The following NDST4 variants were observed in gnomAD, a reference collection of about 807,000 sequenced individuals.
NDST4 encodes the protein N-deacetylase and N-sulfotransferase 4.
A neutral mutation model predicts 100.8 loss-of-function variants in NDST4; 63 were observed. The ratio of observed to expected loss-of-function variants is 0.62; its 90% CI spans 0.51 to 0.77. The LOEUF (loss-of-function observed/expected upper bound fraction) is 0.77. NDST4 is among the 30% of genes least tolerant of loss of function. The probability of loss-of-function intolerance (pLI) is 0.00; values close to 1 mark genes in which losing one functional copy is unlikely to be tolerated. For missense variants in NDST4, 943 were observed against 1,018.4 expected, an observed-to-expected ratio of 0.93 and a Z score of 1.01; for synonymous variants, 377 against 361.8, an observed-to-expected ratio of 1.04 and a Z score of -0.48.
intron 7 of NDST4, among the ~76,000 whole-genome samples, chr4:114,857,590 A>G (rs1387502556): frequency 6.6e-6 from 1 of 152,232 alleles, no homozygotes; most frequent in Non-Finnish European, 1.5e-5. Context: ...CCCATATGTT[A>G]GTAGAAGACT....
chr4:114,965,864 T>G (rs1221567264), intron 4 of NDST4, among the ~76,000 whole-genome samples: 1 of 152,010 alleles, frequency 6.6e-6, no homozygotes, highest in Non-Finnish European at 1.5e-5. Context: ...TAGGTTAAAT[T>G]GGGAATAAGT....
chr4:115,069,038 G>A lies in NDST4; in HGVS notation c.978+7021C>T, dbSNP rs193005820. Among the ~76,000 whole-genome samples, 48 of 152,146 alleles carry A rather than the reference G, an allele frequency of 3.2e-4. No individual in the cohort carries two copies. The East Asian group carries it at 8.7e-3, about 28-fold the overall frequency. On this transcript the variant is annotated intron_variant, in intron 2 of 13. Coordinates refer to ENST00000264363, the MANE Select transcript of NDST4 (RefSeq NM_022569.3). Reference sequence around the variant, plus strand: ...TTATATACATAAAGATGCTAACTGAGAATTAAGGTCAGTGATTATGCAGGG... The same window carrying A: ...TTATATACATAAAGATGCTAACTGAAAATTAAGGTCAGTGATTATGCAGGG...
intron 10 of NDST4, 130 bp downstream of exon 10, chr4:114,845,693 G>C (rs1055272185): frequency 1.5e-5 from 11 of 711,822 alleles, no homozygotes; most frequent in Middle Eastern, 2.5e-4. Context: ...ATATTTTTTG[G>C]TGGGGGTTGT....
intron 7 of NDST4, among the ~76,000 whole-genome samples, chr4:114,867,083 A>G (rs1266256875): frequency 6.6e-6 from 1 of 152,190 alleles, no homozygotes; most frequent in Non-Finnish European, 1.5e-5. Flanking sequence ...TGTGACTTAG[A>G]ACAAGGCATT....
chr4:114,965,718 T>C lies in NDST4; in HGVS notation c.1221+4712A>G, dbSNP rs369242942. ...GAAAAGCCCTACTGGCTTGAAAACT[T>C]TAATGAGTTTATATGTAAAACTTAA... On this transcript the variant is annotated intron_variant, in intron 4 of 13. Coordinates refer to ENST00000264363, the MANE Select transcript of NDST4 (RefSeq NM_022569.3). Among the ~76,000 whole-genome samples the C allele has an allele frequency of 3.3e-5, 5 of 152,054 alleles. No homozygotes were observed. In the East Asian group the frequency reaches 5.8e-4, roughly 18 times the overall value.
At chr4:114,963,516 G>A (rs1726311897) in intron 4 of NDST4, among the ~76,000 whole-genome samples, 1 of 152,162 alleles carries the variant, frequency 6.6e-6, no homozygotes, top group South Asian at 2.1e-4. Context: ...AGTTTGCACA[G>A]ATCTGTGAAT....
intron 1 of NDST4, among the ~76,000 whole-genome samples, chr4:115,094,125 G>T (rs1270584953): frequency 6.6e-6 from 1 of 151,776 alleles, no homozygotes; most frequent in Non-Finnish European, 1.5e-5. Context: ...AAAAATAAAA[G>T]AAAATTATTA....
intron 2 of NDST4, among the ~76,000 whole-genome samples, chr4:114,990,913 T>A (rs748402555): frequency 1.9e-4 from 29 of 152,078 alleles, no homozygotes; most frequent in Admixed American, 6.6e-4. Flanking sequence ...GTGTTCTGCA[T>A]TGTTAGCTGC....
intron 10 of NDST4, among the ~76,000 whole-genome samples, chr4:114,845,076 T>C (rs898105339): frequency 1.3e-5 from 2 of 152,174 alleles, no homozygotes; most frequent in Non-Finnish European, 1.5e-5. Context: ...ATGCTTGTAG[T>C]CCCAAAATTT....
intron 6 of NDST4, among the ~76,000 whole-genome samples, chr4:114,882,547 G>C (rs1724391969): frequency 6.6e-6 from 1 of 151,868 alleles, no homozygotes; most frequent in African/African-American, 2.4e-5. Context: ...AGCTTGAAGA[G>C]AGGTAAAGAG....
At chr4:114,940,674 G>A (rs141626650) in intron 4 of NDST4, among the ~76,000 whole-genome samples, 169 of 152,294 alleles carry the variant, frequency 1.1e-3, no homozygotes, top group Non-Finnish European at 2.0e-3. Flanking sequence ...ACAGCCTTTT[G>A]CACCCGCCCT....
intron 4 of NDST4, among the ~76,000 whole-genome samples, chr4:114,958,644 C>T (rs1726193610): frequency 6.6e-6 from 1 of 152,148 alleles, no homozygotes; most frequent in Admixed American, 6.5e-5. Flanking sequence ...GTCCAGGAAT[C>T]CATTTTTCCC....
At chr4:115,011,208 A>T (rs1017247693) in intron 2 of NDST4, among the ~76,000 whole-genome samples, 4 of 151,960 alleles carry the variant, frequency 2.6e-5, no homozygotes, top group African/African-American at 9.7e-5. Flanking sequence ...TATATGACTT[A>T]CTTGTCTCTT....
intron 11 of NDST4, among the ~76,000 whole-genome samples, chr4:114,836,616 G>A (rs1004709289): frequency 6.6e-6 from 1 of 152,132 alleles, no homozygotes; most frequent in African/African-American, 2.4e-5. Flanking sequence ...TTCTCATGGA[G>A]TATCTTAGTG....
At chr4:115,057,302 C>A (rs1578487977) in intron 2 of NDST4, among the ~76,000 whole-genome samples, 1 of 151,654 alleles carries the variant, frequency 6.6e-6, no homozygotes, top group East Asian at 1.9e-4. Flanking sequence ...AACTGGCATT[C>A]TAGTATAAAC....
intron 4 of NDST4, among the ~76,000 whole-genome samples, chr4:114,948,980 C>A (rs1725929820): frequency 1.3e-5 from 2 of 151,866 alleles, no homozygotes; most frequent in Admixed American, 1.3e-4. Flanking sequence ...TTTAGTAGAG[C>A]AGTTAAATAA....
In NDST4 at chr4:115,044,209, G is replaced by A. The variant is rs1445062679; in HGVS notation, c.978+31850C>T. On this transcript the variant is annotated intron_variant, in intron 2 of 13. Transcript: ENST00000264363. The stretch of plus-strand genomic sequence containing the variant: ...TTCCTTCCAAAAGTATGGTAGGCTA[G>A]ATATGCTACAGAGATTGCCACTGAA... 3.9e-5 allele frequency among the ~76,000 whole-genome samples: 6 copies of A among 152,094 alleles called. No individual in the cohort carries two copies. The South Asian group carries it at 6.2e-4, about 16-fold the overall frequency.
At chr4:114,921,914 C>T (rs1339596579) in intron 6 of NDST4, among the ~76,000 whole-genome samples, 6 of 151,614 alleles carry the variant, frequency 4.0e-5, no homozygotes, top group Non-Finnish European at 8.8e-5. Context: ...TTTCTCTCCT[C>T]CTCTTTTCTT....
intron 3 of NDST4, 48 bp from the exon 4 acceptor site, chr4:114,970,632 T>A (rs374361822): frequency 4.0e-6 from 6 of 1,500,478 alleles, no homozygotes; most frequent in Non-Finnish European, 5.5e-6. Flanking sequence ...TTTCTTACTA[T>A]CTTAAAGGTT....
Sources: gnomAD v4.1 joint callset for allele counts (sites outside exome capture counted in the v4.1 genomes callset) on GRCh38, gnomAD v4.1.1 for gene constraint, MANE v1.5 for transcripts, NCBI Gene and HGNC (gene_info 2026-07-23, HGNC 2026-07-21) for gene names.